TBX10: variants seen among roughly 807,000 people sequenced by gnomAD.
TBX10 encodes T-box transcription factor TBX10.
A neutral mutation model predicts 32.4 loss-of-function variants in TBX10; 26 were observed. That is an observed-to-expected ratio of 0.80 (90% confidence interval 0.59 to 1.11). The LOEUF is 1.11. Among genes scored for constraint, TBX10 ranks in the 50% most tolerant of loss-of-function variants. TBX10 has a pLI of 0.00. For missense variants in TBX10, 490 were observed against 494.5 expected (o/e 0.99, Z 0.09); for synonymous variants, 195 against 203.1 (o/e 0.96, Z 0.34).
Position 67,634,979 on chromosome 11 carries a change from GC to G in TBX10, c.275+16del. The G allele has an allele frequency of 2.5e-6, 4 of 1,613,278 alleles. No homozygotes were observed. Among genetic ancestry groups the G allele is most frequent in the Non-Finnish European group, 3.4e-6 (4 of 1,180,008 alleles). ...CCAACCCTGGCCCCTGCCTCACCCC[GC>G]CCCCGCTGCTCACACCTGCCTGCCT... On this transcript the variant is annotated intron_variant, in intron 2 of 7. Coordinates refer to ENST00000335385, the MANE Select transcript of TBX10 (RefSeq NM_005995.5).
intron 1 of TBX10, among the ~76,000 whole-genome samples, chr11:67,638,858 G>C (rs976430017): frequency 1.3e-5 from 2 of 152,190 alleles, no homozygotes; most frequent in African/African-American, 4.8e-5. Context: ...TGCCCTGCTG[G>C]GGCGGGTACG....
intron 3 of TBX10, 67 bp from the exon 4 acceptor site, chr11:67,634,427 G>A (rs1302345206): frequency 1.1e-5 from 18 of 1,571,502 alleles, no homozygotes; most frequent in Non-Finnish European, 1.5e-5. Flanking sequence ...TACAGGCGGG[G>A]TGAAGGGGCT....
At chr11:67,640,902 C>T (rs1855395195), upstream of TBX10, among the ~76,000 whole-genome samples, 2 of 152,114 alleles carry the variant, frequency 1.3e-5, no homozygotes, top group African/African-American at 4.8e-5. Flanking sequence ...CTGGATGGGA[C>T]CCCACACAAA....
chr11:67,639,393 T>TTCCCCGGGGGCCCCC, intron 1 of TBX10, 73 bp downstream of exon 1: 1 of 726,926 alleles, frequency 1.4e-6, no homozygotes, highest in Non-Finnish European at 2.5e-6. Context: ...CTGTCTTGGT[T>TTCCCCGGGGGCCCCC]CCCACCCTGC....
At position 67,631,572 on chromosome 11, in the gene TBX10, G is replaced by C; in HGVS notation, c.*33C>G. 1 of 1,573,282 alleles carries C rather than the reference G, an allele frequency of 6.4e-7. No individual in the cohort carries two copies. Among genetic ancestry groups the C allele is most frequent in the Non-Finnish European group, 8.6e-7 (1 of 1,167,010 alleles). On this transcript the variant is annotated 3_prime_UTR_variant, in exon 8 of 8. Coordinates refer to ENST00000335385, the MANE Select transcript of TBX10 (RefSeq NM_005995.5). Reference sequence around the variant, plus strand: ...ATTCCCACACCCGGTGTAAGGTCCAGGGTAGCAGGGCTTCCCCCCAGGGCT... The same window carrying C: ...ATTCCCACACCCGGTGTAAGGTCCACGGTAGCAGGGCTTCCCCCCAGGGCT...
upstream of TBX10, among the ~76,000 whole-genome samples, chr11:67,641,455 G>A (rs1017768893): frequency 1.8e-4 from 27 of 152,142 alleles, no homozygotes; most frequent in African/African-American, 4.8e-4. Flanking sequence ...ACCCCTCCCC[G>A]GCTGGCCCGC....
chr11:67,638,637 T>C (rs1855363183), intron 1 of TBX10, among the ~76,000 whole-genome samples: 1 of 152,148 alleles, frequency 6.6e-6, no homozygotes, highest in Non-Finnish European at 1.5e-5. Flanking sequence ...GGGGAGAATG[T>C]GGAGCCCAGG....
At position 67,631,607 on chromosome 11, in the gene TBX10, A is replaced by G. The variant is rs753535154; in HGVS notation, c.1156T>C (p.Ter386ArgextTer39). ...VCLGPGQDSQ[*>R] ...GCTTCCCCCCAGGGCTTCTGGCATC[A>G]CTGGGAGTCCTGGCCAGGCCCCAGG... The change falls in exon 8 of 8, where the codon TGA (stop) becomes CGA (arginine). Residue 386 changes from the stop codon to arginine (R), a stop_lost. Coordinates refer to ENST00000335385, the MANE Select transcript of TBX10 (RefSeq NM_005995.5). 6.3e-7 allele frequency: 1 copy of G among 1,594,802 alleles called. No homozygotes were observed. Among genetic ancestry groups the G allele is most frequent in the South Asian group, 1.1e-5 (1 of 88,558 alleles).
chr11:67,632,522 C>T (rs535343663), intron 6 of TBX10, 81 bp downstream of exon 6: 1 of 1,592,992 alleles, frequency 6.3e-7, no homozygotes, highest in African/African-American at 1.3e-5. Flanking sequence ...AGGGTGTGAC[C>T]CTGAAACAAG....
intron 1 of TBX10, among the ~76,000 whole-genome samples, chr11:67,637,881 T>C (rs115895382): frequency 0.022 from 3,343 of 152,316 alleles, 122 homozygotes; most frequent in African/African-American, 0.076. Flanking sequence ...ACAATGTGAA[T>C]GTAATTAATG....
rs149057615 is a variant in TBX10 at position 67,633,272 on chromosome 11, C to T, written c.550-169G>A. 2.5e-3 allele frequency among the ~76,000 whole-genome samples: 381 copies of T among 152,212 alleles called. 1 individual carries two copies. Among genetic ancestry groups the T allele is most frequent in the African/African-American group, 8.9e-3 (370 of 41,514 alleles). On this transcript the variant is annotated intron_variant, in intron 4 of 7. Transcript: ENST00000335385. Reference sequence around the variant, plus strand: ...GAGGCTGCAGTTCCGTGTCAAAGGCCCCTTTGGATCATGGATCCTTGCCTC... The same window carrying T: ...GAGGCTGCAGTTCCGTGTCAAAGGCTCCTTTGGATCATGGATCCTTGCCTC...
Position 67,639,528 on chromosome 11 carries a change from ACCTG to A in TBX10, c.-60_-57del, listed in dbSNP as rs1234174196. ...AAACACTGCTTGGCTGGGGCTGGGAACCTGCCTGCTGGAAGGGGTGGTCACCACT... is the reference window on the plus strand; with the variant it reads ...AAACACTGCTTGGCTGGGGCTGGGAACCTGCTGGAAGGGGTGGTCACCACT... On this transcript the variant is annotated 5_prime_UTR_variant, in exon 1 of 8. Transcript: ENST00000335385. 3.0e-5 allele frequency: 48 copies of A among 1,610,764 alleles called. No individual in the cohort carries two copies. The highest frequency in any genetic ancestry group is 3.7e-5 in the Non-Finnish European group (44 of 1,178,826).
intron 1 of TBX10, among the ~76,000 whole-genome samples, 198 bp from the exon 2 acceptor site, chr11:67,635,461 G>A (rs909126089): frequency 3.9e-5 from 6 of 152,204 alleles, no homozygotes; most frequent in Non-Finnish European, 5.9e-5. Context: ...GCTCCTTGAC[G>A]GTAGTGTCAG....
chr11:67,636,357 A>G (rs954616863), intron 1 of TBX10, among the ~76,000 whole-genome samples: 3 of 151,170 alleles, frequency 2.0e-5, no homozygotes, highest in Non-Finnish European at 4.4e-5. Flanking sequence ...TGTTGGGATT[A>G]CAGGTGTGAG....
rs778745305 is a variant in TBX10 at position 67,633,031 on chromosome 11, C to T, written c.622G>A (p.Glu208Lys). ...VVFVDPRKDS[E>K]RYAQENFKSF... ...TTGAAGTTCTCCTGGGCATAGCGCTCACTGTCCTTGCGTGGGTCCACGAAG... is the reference window on the plus strand; with the variant it reads ...TTGAAGTTCTCCTGGGCATAGCGCTTACTGTCCTTGCGTGGGTCCACGAAG... Residue 208 changes from glutamate to lysine, a missense_variant, in exon 5 of 8, where the codon GAG (glutamate) becomes AAG (lysine). Physicochemically the swap from Glu to Lys is moderately conservative, Grantham distance 56. This residue lies in a region of TBX10 where 307 missense variants were observed against 294.9 expected (regional missense o/e 1.04). Coordinates refer to ENST00000335385, the MANE Select transcript of TBX10 (RefSeq NM_005995.5). 3.1e-6 allele frequency: 5 copies of T among 1,614,072 alleles called. No individual in the cohort carries two copies. The highest frequency in any genetic ancestry group is 4.2e-6 in the Non-Finnish European group (5 of 1,180,014).
At chr11:67,636,500 T>G (rs938932016) in intron 1 of TBX10, among the ~76,000 whole-genome samples, 1 of 120,656 alleles carries the variant, frequency 8.3e-6, no homozygotes, top group Non-Finnish European at 1.9e-5. Flanking sequence ...ATGTATATAT[T>G]ATTTATTTAT....
At chr11:67,640,162 C>A (rs1441844183), upstream of TBX10, among the ~76,000 whole-genome samples, 2 of 152,242 alleles carry the variant, frequency 1.3e-5, no homozygotes, top group African/African-American at 4.8e-5. Flanking sequence ...GGGGCAGCAG[C>A]AACGAGTGCA....
chr11:67,635,188 T>C lies in TBX10; in HGVS notation c.83A>G (p.Glu28Gly). 1 of 1,613,802 alleles carries C rather than the reference T, an allele frequency of 6.2e-7. No homozygotes were observed. Among genetic ancestry groups the C allele is most frequent in the Non-Finnish European group, 8.5e-7 (1 of 1,180,016 alleles). The change falls in exon 2 of 8, where the codon GAG becomes GGG. Residue 28 changes from glutamate to glycine, a missense_variant. Glu to Gly is a moderately conservative substitution (Grantham distance 98). Around this residue, in one of 3 missense-constraint regions of TBX10, gnomAD observed 307 missense variants for 294.9 expected, o/e 1.04. Transcript: ENST00000335385. ...YPLPTTSSGW[E>G]PRLGSPFPSG... ...TGGGAATGGTGACCCCAGCCGGGGC[T>C]CCCAGCCAGAGCTGGTTGTAGGTAG...
chr11:67,639,812 A>C (rs1709289875), upstream of TBX10, among the ~76,000 whole-genome samples: 1 of 151,000 alleles, frequency 6.6e-6, no homozygotes, highest in African/African-American at 2.4e-5. Context: ...CTGACGTTGC[A>C]GAGCCCCCCT....
Sources: gnomAD v4.1 joint callset for allele counts (sites outside exome capture counted in the v4.1 genomes callset) on GRCh38, gnomAD v4.1.1 for gene constraint, gnomAD v4.1.1 regional missense constraint, MANE v1.5 for transcripts, NCBI Gene and HGNC (gene_info 2026-07-23, HGNC 2026-07-21) for gene names.